The following MLLT1 variants were observed in gnomAD, a reference collection of about 807,000 sequenced individuals.
MLLT1 encodes the protein protein ENL.
In MLLT1, 11 loss-of-function variants were observed where a neutral mutation model predicts 55.1. The ratio of observed to expected loss-of-function variants is 0.20; its 90% CI spans 0.13 to 0.33. The LOEUF (loss-of-function observed/expected upper bound fraction) is 0.33. MLLT1 is among the 10% of genes least tolerant of loss of function. The pLI is 1.00. For synonymous variants in MLLT1, 323 were observed against 320.1 expected (o/e 1.01, Z -0.10); for missense variants, 536 against 760.6 (o/e 0.70, Z 3.47).
Position 6,273,670 on chromosome 19 carries a change from C to T in MLLT1, c.13-2911G>A, listed in dbSNP as rs959757115. Among the ~76,000 whole-genome samples the T allele has an allele frequency of 6.6e-6, 1 of 152,208 alleles. No homozygotes were observed. The highest frequency in any genetic ancestry group is 2.1e-4 in the South Asian group (1 of 4,834). The stretch of plus-strand genomic sequence containing the variant: ...TAGAAAACAGGAAGGCAACCCCTGT[C>T]CCGCTGGGAGCATTACAGGTGAAAA... On this transcript the variant is annotated intron_variant, in intron 1 of 11. Transcript: ENST00000252674. The surrounding 1 kb of genome is among the most constrained non-coding windows in gnomAD (Gnocchi z 4.3).
intron 3 of MLLT1, among the ~76,000 whole-genome samples, chr19:6,245,352 A>G (rs1406470134): frequency 6.8e-6 from 1 of 147,994 alleles, no homozygotes; most frequent in Non-Finnish European, 1.5e-5. Flanking sequence ...TCGGCCTCCC[A>G]AAGTGCTGGG....
At chr19:6,238,637 G>A (rs905764556) in intron 3 of MLLT1, among the ~76,000 whole-genome samples, 1 of 152,242 alleles carries the variant, frequency 6.6e-6, no homozygotes, top group Non-Finnish European at 1.5e-5. Context: ...AACACCACCT[G>A]TGTCCCTTCC....
At position 6,246,820 on chromosome 19, in the gene MLLT1, G is replaced by A. The variant is rs761676192; in HGVS notation, c.276+15408C>T. ...AAGATGAAATGCAACTGAGACTGAC[G>A]AAGCTAACTGTATTACAAATGCATG... On this transcript the variant is annotated intron_variant, in intron 3 of 11. Coordinates refer to ENST00000252674, the MANE Select transcript of MLLT1 (RefSeq NM_005934.4). 4.6e-5 allele frequency among the ~76,000 whole-genome samples: 7 copies of A among 152,170 alleles called. No individual in the cohort carries two copies. The South Asian group carries it at 6.2e-4, about 14-fold the overall frequency.
At chr19:6,277,927 C>G (rs1334654097) in intron 1 of MLLT1, among the ~76,000 whole-genome samples, 1 of 152,264 alleles carries the variant, frequency 6.6e-6, no homozygotes, top group Non-Finnish European at 1.5e-5. Context: ...CACCAATCAA[C>G]TGCTGCAAAC....
In MLLT1 at chr19:6,213,078, G is replaced by A. The variant is rs928949290; in HGVS notation, c.1644C>T (p.Arg548=). The change falls in exon 12 of 12, where the codon CGC becomes CGT. Residue 548 remains arginine (R), a synonymous_variant. Coordinates refer to ENST00000252674, the MANE Select transcript of MLLT1 (RefSeq NM_005934.4). Reference sequence around the variant, plus strand: ...CGGCCTCCAGGCAGCTCTGCAGTTTGCGCACGGTGGTCTCGTCCAGGGAGA... The same window carrying A: ...CGGCCTCCAGGCAGCTCTGCAGTTTACGCACGGTGGTCTCGTCCAGGGAGA... ...DLFSLDETTV[R]KLQSCLEAVA... The A allele has an allele frequency of 8.1e-6, 13 of 1,613,822 alleles. No individual in the cohort carries two copies. The highest frequency in any genetic ancestry group is 1.3e-5 in the African/African-American group (1 of 74,912).
intron 3 of MLLT1, among the ~76,000 whole-genome samples, chr19:6,241,152 C>A (rs1041401848): frequency 1.3e-5 from 2 of 152,212 alleles, no homozygotes; most frequent in African/African-American, 4.8e-5. Context: ...AGTGGTCAGT[C>A]CCGGGGCCTC....
rs2144960762 is a variant in MLLT1 at position 6,270,864 on chromosome 19, T to C, written c.13-105A>G. ...TCGATAAAGACCCCCAGCAGTGCAA[T>C]ACGCTCTCAACCCAGTGAGCAGCAC... On this transcript the variant is annotated intron_variant, in intron 1 of 11. Transcript: ENST00000252674. The surrounding 1 kb of genome is among the most constrained non-coding windows in gnomAD (Gnocchi z 7.1). 4 of 1,099,190 alleles carry C rather than the reference T, an allele frequency of 3.6e-6. No individual in the cohort carries two copies. Among genetic ancestry groups the C allele is most frequent in the East Asian group, 2.6e-5 (1 of 38,326 alleles). 68.1% of individuals were successfully genotyped at this position (1,099,190 alleles called of 1,614,324 possible). A position where few individuals can be genotyped will look rare whatever the true frequency, so the allele number is the denominator to read the frequency against.
intron 1 of MLLT1, among the ~76,000 whole-genome samples, chr19:6,278,406 G>C (rs1182039072): frequency 5.4e-5 from 8 of 148,448 alleles, no homozygotes; most frequent in Non-Finnish European, 1.0e-4. Flanking sequence ...CCAATGGGGA[G>C]GGGCCGTCCA....
intron 3 of MLLT1, among the ~76,000 whole-genome samples, chr19:6,254,244 G>C (rs1371283343): frequency 6.6e-6 from 1 of 152,244 alleles, no homozygotes; most frequent in African/African-American, 2.4e-5. Context: ...ACACAAAGGG[G>C]TTCCGAGAGC....
At chr19:6,241,036 T>C (rs1012992981) in intron 3 of MLLT1, among the ~76,000 whole-genome samples, 63 of 152,228 alleles carry the variant, frequency 4.1e-4, no homozygotes, top group African/African-American at 1.4e-3. Flanking sequence ...CAGTTTGAAA[T>C]CTGGACCATA....
intron 1 of MLLT1, among the ~76,000 whole-genome samples, chr19:6,279,444 CCCCAGGGGCGT>C (rs1321120065): frequency 6.6e-6 from 1 of 151,966 alleles, no homozygotes; most frequent in Non-Finnish European, 1.5e-5. Context: ...GGGCTGGGGT[CCCCAGGGGCGT>C]CCCAGGTGGA....
chr19:6,239,087 A>G (rs1785491415), intron 3 of MLLT1, among the ~76,000 whole-genome samples: 1 of 152,064 alleles, frequency 6.6e-6, no homozygotes, highest in African/African-American at 2.4e-5. Flanking sequence ...TGCCAAACCC[A>G]CTAGTCCACA....
In MLLT1 at chr19:6,226,879, G is replaced by T; in HGVS notation, c.546+98C>A. On this transcript the variant is annotated intron_variant, in intron 5 of 11. Coordinates refer to ENST00000252674, the MANE Select transcript of MLLT1 (RefSeq NM_005934.4). The surrounding 1 kb of genome is among the most constrained non-coding windows in gnomAD (Gnocchi z 6.3). ...GAAGACGCCAAGGGAGCGAGCAGGT[G>T]CGGAAGGCCCAGCCCAGTGGAGGGA... The T allele has an allele frequency of 9.7e-7, 1 of 1,027,424 alleles. No individual in the cohort carries two copies. The highest frequency in any genetic ancestry group is 1.3e-6 in the Non-Finnish European group (1 of 745,860). 63.6% of individuals were successfully genotyped at this position (1,027,424 alleles called of 1,614,324 possible).
At chr19:6,214,449 C>T (rs188578308) in intron 8 of MLLT1, among the ~76,000 whole-genome samples, 136 of 152,314 alleles carry the variant, frequency 8.9e-4, no homozygotes, top group Non-Finnish European at 1.5e-3. Context: ...CCCGTCCCTC[C>T]GATGCTCCCC....
At chr19:6,217,927 T>TGC (rs777081787) in intron 7 of MLLT1, 27 bp downstream of exon 7, 1 of 1,578,006 alleles carries the variant, frequency 6.3e-7, no homozygotes, top group Non-Finnish European at 8.6e-7. Flanking sequence ...GCCCCATCCG[T>TGC]GCCCCCCAGC....
chr19:6,239,129 GCCC>G, intron 3 of MLLT1, among the ~76,000 whole-genome samples: 1 of 152,330 alleles, frequency 6.6e-6, no homozygotes, highest in Non-Finnish European at 1.5e-5. Context: ...ACAGAGCCCT[GCCC>G]CTCCTCTGGA....
At chr19:6,232,284 C>A (rs1457846110) in intron 3 of MLLT1, among the ~76,000 whole-genome samples, 1 of 152,124 alleles carries the variant, frequency 6.6e-6, no homozygotes, top group African/African-American at 2.4e-5. Context: ...AGGCTCATGT[C>A]CTAACATTAT....
rs2091055616 is a variant in MLLT1 at position 6,235,823 on chromosome 19, G to C, written c.277-5110C>G. 6.6e-6 allele frequency among the ~76,000 whole-genome samples: 1 copy of C among 152,138 alleles called. No homozygotes were observed. The highest frequency in any genetic ancestry group is 1.5e-5 in the Non-Finnish European group (1 of 68,014). ...GCTCCACATCCTCGGTGCAGCCAGA[G>C]GGACATGCTGCCTTCTTCCACGCCT... On this transcript the variant is annotated intron_variant, in intron 3 of 11. Coordinates refer to ENST00000252674, the MANE Select transcript of MLLT1 (RefSeq NM_005934.4). The surrounding 1 kb of genome is among the most constrained non-coding windows in gnomAD (Gnocchi z 5.5).
Position 6,230,020 on chromosome 19 carries a change from A to G in MLLT1, c.420+550T>C, listed in dbSNP as rs1350181453. Among the ~76,000 whole-genome samples, 1 of 150,186 alleles carries G rather than the reference A, an allele frequency of 6.7e-6. No individual in the cohort carries two copies. The stretch of plus-strand genomic sequence containing the variant: ...CCCTCCCTCCACGCCCCCCTCCTCC[A>G]TAACCACCACCAGCCCTGCGCCCAC... On this transcript the variant is annotated intron_variant, in intron 4 of 11. Transcript: ENST00000252674. This position sits in a 1 kb window ranked among gnomAD's most constrained non-coding sequence, Gnocchi z 9.0.
Sources: gnomAD v4.1 joint callset for allele counts (sites outside exome capture counted in the v4.1 genomes callset) on GRCh38, gnomAD v4.1.1 for gene constraint, Gnocchi (gnomAD v3.1) non-coding constraint, MANE v1.5 for transcripts, NCBI Gene and HGNC (gene_info 2026-07-23, HGNC 2026-07-21) for gene names.